The following FUT8 variants were observed in gnomAD, a reference collection of about 807,000 sequenced individuals.
FUT8 encodes the protein alpha-(1,6)-fucosyltransferase.
A neutral mutation model predicts 71.3 loss-of-function variants in FUT8; 29 were observed. The observed-to-expected ratio is 0.41, with a 90% confidence interval of 0.30 to 0.55. The LOEUF (loss-of-function observed/expected upper bound fraction) is 0.55. Ranked by LOEUF, FUT8 falls within the 20% of genes least tolerant of loss-of-function variation. The probability of loss-of-function intolerance (pLI) is 0.34; values close to 1 mark genes in which losing one functional copy is unlikely to be tolerated. For synonymous variants in FUT8, 254 were observed against 239.3 expected, an observed-to-expected ratio of 1.06 and a Z score of -0.57; for missense variants, 544 against 702.1, an observed-to-expected ratio of 0.77 and a Z score of 2.55.
intron 7 of FUT8, among the ~76,000 whole-genome samples, chr14:65,675,836 A>G (rs1387844825): frequency 1.8e-5 from 1 of 55,468 alleles, no homozygotes; most frequent in Non-Finnish European, 6.0e-5. Context: ...CTAAAAATAC[A>G]AAAAAAAAAA....
chr14:65,518,024 T>A (rs1004554243), intron 2 of FUT8, among the ~76,000 whole-genome samples: 1 of 152,206 alleles, frequency 6.6e-6, no homozygotes, highest in African/African-American at 2.4e-5. Flanking sequence ...AGTGGTCTCT[T>A]TTTCTTCTCT....
At chr14:65,443,396 C>T (rs1428620854) in intron 1 of FUT8, among the ~76,000 whole-genome samples, 19 of 138,818 alleles carry the variant, frequency 1.4e-4, no homozygotes, top group Admixed American at 6.9e-4. Flanking sequence ...GGCAACAGAG[C>T]GAGACTCCAT....
intron 3 of FUT8, 22 bp from the exon 4 acceptor site, chr14:65,615,956 C>T: frequency 6.6e-7 from 1 of 1,523,092 alleles, no homozygotes; most frequent in Non-Finnish European, 9.0e-7. Context: ...TAAATGTTTA[C>T]ATTATCTTCC....
chr14:65,587,755 C>T (rs537442280), intron 3 of FUT8, among the ~76,000 whole-genome samples: 1 of 152,188 alleles, frequency 6.6e-6, no homozygotes, highest in East Asian at 1.9e-4. Context: ...GTATGCATGC[C>T]TGATTTTATA....
At chr14:65,576,679 C>T (rs1241052605) in intron 3 of FUT8, among the ~76,000 whole-genome samples, 2 of 136,590 alleles carry the variant, frequency 1.5e-5, no homozygotes, top group African/African-American at 6.0e-5. Flanking sequence ...CAGGTGTGTG[C>T]CATGATGCCC....
chr14:65,593,129 T>G (rs1887780993), intron 3 of FUT8, among the ~76,000 whole-genome samples: 1 of 152,214 alleles, frequency 6.6e-6, no homozygotes, highest in Non-Finnish European at 1.5e-5. Context: ...CTATAGGATT[T>G]CCAGTGTAAT....
chr14:65,413,494 C>G lies in FUT8; in HGVS notation c.-326+280C>G, dbSNP rs2065171130. ...GCTGCGCCGCTGCTGCCCTCGGCGT[C>G]GCGCATCCTTGCCTAGGGCAGGGGC... On this transcript the variant is annotated intron_variant, in intron 1 of 10. Coordinates refer to ENST00000673929, the MANE Select transcript of FUT8 (RefSeq NM_001371533.1). This position sits in a 1 kb window ranked among gnomAD's most constrained non-coding sequence, Gnocchi z 4.1. 6.6e-6 allele frequency among the ~76,000 whole-genome samples: 1 copy of G among 151,634 alleles called. No individual in the cohort carries two copies.
At chr14:65,567,368 C>T (rs1886250267) in intron 3 of FUT8, among the ~76,000 whole-genome samples, 1 of 151,892 alleles carries the variant, frequency 6.6e-6, no homozygotes, top group South Asian at 2.1e-4. Context: ...AAATTTGTCC[C>T]AGGCAACAGA....
Position 65,603,097 on chromosome 14 carries a change from A to T in FUT8, c.204-12881A>T, listed in dbSNP as rs994634593. Among the ~76,000 whole-genome samples, 1 of 151,770 alleles carries T rather than the reference A, an allele frequency of 6.6e-6. No individual in the cohort carries two copies. Among genetic ancestry groups the T allele is most frequent in the African/African-American group, 2.4e-5 (1 of 41,346 alleles). The stretch of plus-strand genomic sequence containing the variant: ...GATTTTTTCCGATGTTATTTTCTAG[A>T]TTTTTTTATAGTTTCAGGTCTTAGA... On this transcript the variant is annotated intron_variant, in intron 3 of 10. Coordinates refer to ENST00000673929, the MANE Select transcript of FUT8 (RefSeq NM_001371533.1). This position sits in a 1 kb window ranked among gnomAD's most constrained non-coding sequence, Gnocchi z 4.5.
chr14:65,714,967 A>AT (rs1325990068), intron 7 of FUT8, among the ~76,000 whole-genome samples: 5 of 151,588 alleles, frequency 3.3e-5, no homozygotes, highest in South Asian at 2.1e-4. Flanking sequence ...TCAGTTCTAA[A>AT]TTTTTTTTTG....
chr14:65,525,022 C>T (rs1007134056), intron 2 of FUT8, among the ~76,000 whole-genome samples: 1 of 149,312 alleles, frequency 6.7e-6, no homozygotes, highest in Non-Finnish European at 1.5e-5. Context: ...CAGGGATATT[C>T]TCTTTTTTTG....
At chr14:65,577,257 T>G (rs1165683301) in intron 3 of FUT8, among the ~76,000 whole-genome samples, 1 of 152,174 alleles carries the variant, frequency 6.6e-6, no homozygotes, top group Non-Finnish European at 1.5e-5. Flanking sequence ...AAGAGGCACC[T>G]TGTATTTAGT....
chr14:65,699,667 G>C (rs1456363484), intron 7 of FUT8, among the ~76,000 whole-genome samples: 1 of 152,178 alleles, frequency 6.6e-6, no homozygotes, highest in Non-Finnish European at 1.5e-5. Context: ...ATTGCGGGAA[G>C]ATCAGTTATA....
chr14:65,485,062 C>T (rs938884732), intron 2 of FUT8, among the ~76,000 whole-genome samples: 3 of 151,898 alleles, frequency 2.0e-5, no homozygotes, highest in Non-Finnish European at 4.4e-5. Flanking sequence ...TTAGACTAGG[C>T]GTGGTGGCTC....
chr14:65,553,654 C>G (rs547581134), intron 2 of FUT8, among the ~76,000 whole-genome samples: 11 of 149,092 alleles, frequency 7.4e-5, no homozygotes, highest in Admixed American at 3.4e-4. Context: ...CTTTATTTGC[C>G]TTTGTTTTGC....
chr14:65,642,028 T>C (rs575448821), intron 6 of FUT8, among the ~76,000 whole-genome samples: 24 of 152,146 alleles, frequency 1.6e-4, no homozygotes, highest in Non-Finnish European at 2.1e-4. Flanking sequence ...GGCAAAAGTT[T>C]TTAATTTTGA....
intron 6 of FUT8, among the ~76,000 whole-genome samples, chr14:65,644,140 G>A (rs1356693100): frequency 1.3e-5 from 2 of 152,114 alleles, no homozygotes; most frequent in Non-Finnish European, 2.9e-5. Context: ...GTAGCAAGAC[G>A]CCTATGAAGG....
At chr14:65,737,487 T>C (rs1322940154) in intron 10 of FUT8, among the ~76,000 whole-genome samples, 1 of 152,170 alleles carries the variant, frequency 6.6e-6, no homozygotes, top group African/African-American at 2.4e-5. Flanking sequence ...GCATCTCCTT[T>C]GTCACCTATT....
chr14:65,556,227 C>T (rs1334441685), intron 2 of FUT8, among the ~76,000 whole-genome samples: 1 of 152,140 alleles, frequency 6.6e-6, no homozygotes, highest in African/African-American at 2.4e-5. Flanking sequence ...GCTGGATCCT[C>T]TGGCTAAGCT....
Sources: allele counts gnomAD v4.1 joint callset (sites outside exome capture counted in the v4.1 genomes callset), GRCh38; gene constraint gnomAD v4.1.1; non-coding constraint Gnocchi (gnomAD v3.1); transcripts MANE v1.5; gene names NCBI Gene and HGNC (gene_info 2026-07-23, HGNC 2026-07-21).